The following C16orf78 variants were observed in gnomAD, a reference collection of about 807,000 sequenced individuals.
The protein encoded by C16orf78 is uncharacterized protein C16orf78.
C16orf78 carries 19 observed loss-of-function variants against 27.3 expected under a neutral mutation model. That is an observed-to-expected ratio of 0.70 (90% CI 0.49 to 1.02). C16orf78 has a LOEUF of 1.02. C16orf78 is among the 50% of genes least tolerant of loss of function. The pLI is 0.00. For missense variants in C16orf78, 339 were observed against 337.0 expected (o/e 1.01, Z -0.05); for synonymous variants, 130 against 116.1 (o/e 1.12, Z -0.77).
intron 3 of C16orf78, among the ~76,000 whole-genome samples, chr16:49,384,912 A>G (rs1014342285): frequency 5.3e-5 from 8 of 152,176 alleles, no homozygotes; most frequent in African/African-American, 1.9e-4. Context: ...TTGAAAGAAA[A>G]CAACTGCCAA....
chr16:49,396,745 C>T (rs751338726), intron 4 of C16orf78, 67 bp downstream of exon 4: 4 of 1,544,498 alleles, frequency 2.6e-6, no homozygotes, highest in Admixed American at 1.9e-5. Context: ...ACTCTTGTCC[C>T]TGGCTCAAAC....
At chr16:49,377,984 A>G in intron 2 of C16orf78, 134 bp downstream of exon 2, 1 of 1,258,808 alleles carries the variant, frequency 7.9e-7, no homozygotes, top group Non-Finnish European at 1.1e-6. Context: ...GCCCCACATT[A>G]ACACTCAAAT....
At chr16:49,392,784 G>A (rs1965428613) in intron 3 of C16orf78, among the ~76,000 whole-genome samples, 1 of 152,154 alleles carries the variant, frequency 6.6e-6, no homozygotes, top group Non-Finnish European at 1.5e-5. Context: ...TATAAATGAT[G>A]CTATCACCCA....
At chr16:49,396,175 G>A (rs1052169831) in intron 3 of C16orf78, among the ~76,000 whole-genome samples, 1 of 152,174 alleles carries the variant, frequency 6.6e-6, no homozygotes, top group Non-Finnish European at 1.5e-5. Context: ...CTGTGAGATA[G>A]AGGCTGCAGT....
chr16:49,382,345 C>T (rs1312599599), intron 3 of C16orf78, among the ~76,000 whole-genome samples: 1 of 151,870 alleles, frequency 6.6e-6, no homozygotes, highest in Non-Finnish European at 1.5e-5. Flanking sequence ...AGCGCACCAG[C>T]ATGGCACATG....
rs1157335240 is a variant in C16orf78, at chr16:49,373,894, G to C, written c.-46G>C. 2 of 1,609,100 alleles carry C rather than the reference G, an allele frequency of 1.2e-6. No individual in the cohort carries two copies. The highest frequency in any genetic ancestry group is 1.7e-6 in the Non-Finnish European group (2 of 1,177,390). On this transcript the variant is annotated 5_prime_UTR_variant, in exon 1 of 5. Transcript: ENST00000299191. ...CCAGACAAAGGGATCGAAAGAGTGA[G>C]ACAGTGCCAGCCACCTCCCACCCAA... is the stretch of plus-strand genomic sequence containing the variant.
At chr16:49,384,346 C>CAAAAAAAAAAAAAAAAA (rs771147270) in intron 3 of C16orf78, among the ~76,000 whole-genome samples, 1 of 50,966 alleles carries the variant, frequency 2.0e-5, no homozygotes, top group Non-Finnish European at 4.0e-5. Context: ...AAAACTCCAT[C>CAAAAAAAAAAAAAAAAA]AAAAAAAAAA....
At chr16:49,378,338 G>A in intron 2 of C16orf78, 132 bp from the exon 3 acceptor site, 1 of 1,346,180 alleles carries the variant, frequency 7.4e-7, no homozygotes, top group Non-Finnish European at 9.9e-7. Flanking sequence ...CAGGGCCCGG[G>A]GAAGCTCTCT....
intron 3 of C16orf78, among the ~76,000 whole-genome samples, chr16:49,387,790 G>C (rs537707599): frequency 6.6e-6 from 1 of 152,324 alleles, no homozygotes; most frequent in African/African-American, 2.4e-5. Context: ...TCAGTCTTGA[G>C]AGGGTGTATG....
At position 49,374,089 on chromosome 16, in the gene C16orf78, G is replaced by A; in HGVS notation, c.150G>A (p.Glu50=). ...AGGGGAAGAAGAAACAAGCTCCCGA[G>A]GTGGGTACCATCCAAGAGAAATGGC... ...RRQGKKKQAP[E]KQKPKVVTVL... is the part of the protein sequence containing the mutation. The change falls in exon 1 of 5, where the codon GAG becomes GAA. Residue 50 remains glutamate (E), a splice_region_variant and synonymous_variant. Transcript: ENST00000299191. The A allele has an allele frequency of 2.5e-6, 4 of 1,614,028 alleles. No individual in the cohort carries two copies. The highest frequency in any genetic ancestry group is 1.7e-6 in the Non-Finnish European group (2 of 1,179,966).
At chr16:49,395,794 A>T (rs561356031) in intron 3 of C16orf78, among the ~76,000 whole-genome samples, 1 of 152,062 alleles carries the variant, frequency 6.6e-6, no homozygotes, top group Admixed American at 6.5e-5. Flanking sequence ...CCTCTAGGCT[A>T]CCTCCTCTAG....
intron 3 of C16orf78, among the ~76,000 whole-genome samples, chr16:49,385,005 A>T (rs553528756): frequency 6.6e-6 from 1 of 152,336 alleles, no homozygotes; most frequent in East Asian, 1.9e-4. Context: ...AGTTTTCATC[A>T]CCATTGAACC....
rs1567388511 is a variant in C16orf78 at position 49,374,109 on chromosome 16, A to G, written c.150+20A>G. On this transcript the variant is annotated intron_variant, in intron 1 of 4. Coordinates refer to ENST00000299191, the MANE Select transcript of C16orf78 (RefSeq NM_144602.4). ...CCCGAGGTGGGTACCATCCAAGAGA[A>G]ATGGCAGGAAGACTTTACTCAAGGT... is the stretch of plus-strand genomic sequence containing the variant. 6.2e-7 allele frequency: 1 copy of G among 1,612,316 alleles called. No individual in the cohort carries two copies. Among genetic ancestry groups the G allele is most frequent in the Non-Finnish European group, 8.5e-7 (1 of 1,179,032 alleles).
At chr16:49,394,759 T>C (rs1965450752) in intron 3 of C16orf78, among the ~76,000 whole-genome samples, 1 of 152,130 alleles carries the variant, frequency 6.6e-6, no homozygotes, top group Non-Finnish European at 1.5e-5. Flanking sequence ...GTTCATTTTT[T>C]CCCCTAATAT....
chr16:49,385,677 G>T (rs543016287), intron 3 of C16orf78, among the ~76,000 whole-genome samples: 1 of 150,762 alleles, frequency 6.6e-6, no homozygotes, highest in African/African-American at 2.4e-5. Context: ...AAAATGTTTT[G>T]TACAAGCCTT....
intron 1 of C16orf78, 28 bp downstream of exon 1, chr16:49,374,117 G>A (rs369699920): frequency 6.5e-5 from 105 of 1,611,356 alleles, no homozygotes; most frequent in Non-Finnish European, 8.5e-5. Flanking sequence ...GAAATGGCAG[G>A]AAGACTTTAC....
rs1352530720 is a variant in C16orf78 at position 49,377,806 on chromosome 16, A to T, written c.226A>T (p.Thr76Ser). The T allele has an allele frequency of 1.9e-6, 3 of 1,591,360 alleles. No individual in the cohort carries two copies. In the South Asian group the frequency reaches 3.4e-5, roughly 18 times the overall value. Residue 76 changes from threonine (T) to serine (S), a missense_variant, in exon 2 of 5, where the codon ACA becomes TCA. Transcript: ENST00000299191. ...AGAGAAGAAAGGCAAAGGCCTCATG[A>T]CAGCACGGGGAGGGAACCGCAGGGA... ...KEEKKGKGLM[T>S]ARGGNRRDTE...
At chr16:49,377,331 G>T (rs938788853) in intron 1 of C16orf78, among the ~76,000 whole-genome samples, 1 of 152,206 alleles carries the variant, frequency 6.6e-6, no homozygotes, top group African/African-American at 2.4e-5. Context: ...TGGATCAGCA[G>T]CACCTGTTCA....
intron 3 of C16orf78, among the ~76,000 whole-genome samples, chr16:49,395,414 A>G (rs2151616240): frequency 6.6e-6 from 1 of 152,310 alleles, no homozygotes; most frequent in South Asian, 2.1e-4. Flanking sequence ...ATGTGGCTCA[A>G]CATAAATTTG....
Sources: allele counts gnomAD v4.1 joint callset (sites outside exome capture counted in the v4.1 genomes callset), GRCh38; gene constraint gnomAD v4.1.1; transcripts MANE v1.5; gene names NCBI Gene and HGNC (gene_info 2026-07-23, HGNC 2026-07-21).